The following TLL1 variants were observed in gnomAD, a reference collection of about 807,000 sequenced individuals.
TLL1 encodes tolloid like 1, also known as tolloid-like protein 1.
TLL1 carries 49 observed loss-of-function variants against 128.2 expected under a neutral mutation model. The ratio of observed to expected loss-of-function variants is 0.38; its 90% CI spans 0.30 to 0.48. The LOEUF (loss-of-function observed/expected upper bound fraction) is 0.48, where lower values mean the gene tolerates loss of function less well. Among genes scored for constraint, TLL1 ranks in the 20% least tolerant of loss-of-function variants. The pLI, the probability that TLL1 is intolerant of heterozygous loss-of-function variation, is 0.96. For synonymous variants in TLL1, 454 were observed against 418.8 expected, an observed-to-expected ratio of 1.08 and a Z score of -1.03; for missense variants, 1,123 against 1,242.0, an observed-to-expected ratio of 0.90 and a Z score of 1.44.
intron 6 of TLL1, among the ~76,000 whole-genome samples, chr4:166,007,505 T>C (rs999377354): frequency 2.6e-5 from 4 of 151,842 alleles, no homozygotes; most frequent in South Asian, 4.1e-4. Flanking sequence ...TCTTCTCCTA[T>C]TGTTTCATAG....
chr4:166,066,094 A>C (rs560674552), intron 16 of TLL1, among the ~76,000 whole-genome samples: 2 of 151,908 alleles, frequency 1.3e-5, no homozygotes, highest in Non-Finnish European at 2.9e-5. Context: ...ATTTTTCAAA[A>C]TAATTTTGCT....
intron 12 of TLL1, among the ~76,000 whole-genome samples, chr4:166,050,509 G>A (rs1298785582): frequency 1.3e-5 from 2 of 152,020 alleles, no homozygotes; most frequent in Non-Finnish European, 2.9e-5. Context: ...ATTTTTTAGG[G>A]AGCATGGGAT....
intron 14 of TLL1, among the ~76,000 whole-genome samples, chr4:166,059,765 C>A (rs1324075644): frequency 6.6e-6 from 1 of 151,772 alleles, no homozygotes; most frequent in Non-Finnish European, 1.5e-5. Context: ...TAAATTGCTC[C>A]CCCTACTTTA....
chr4:166,054,241 C>T (rs1454015642), intron 12 of TLL1, among the ~76,000 whole-genome samples: 1 of 151,992 alleles, frequency 6.6e-6, no homozygotes, highest in Non-Finnish European at 1.5e-5. Flanking sequence ...CTCTACACAG[C>T]CAGGTTAATT....
chr4:166,044,170 G>T (rs1314215746), intron 12 of TLL1, among the ~76,000 whole-genome samples: 1 of 152,176 alleles, frequency 6.6e-6, no homozygotes, highest in Non-Finnish European at 1.5e-5. Flanking sequence ...ATGAGATGCA[G>T]GTGGTAGGTC....
At position 166,103,843 on chromosome 4, in the gene TLL1, A is replaced by AAT. The variant is rs1553971347; in HGVS notation, c.*2968_*2969insTA. 2.6e-5 allele frequency: 4 copies of AAT among 151,172 alleles called. No individual in the cohort carries two copies. Among genetic ancestry groups the AAT allele is most frequent in the Admixed American group, 6.6e-5 (1 of 15,142 alleles). 9.4% of individuals were successfully genotyped at this position (151,172 alleles called of 1,614,324 possible). ...AAAGTCCTAACTGACTATACATAGA[A>AAT]AAAAAAAAAAACACTGTTCTCACTT... On this transcript the variant is annotated 3_prime_UTR_variant, in exon 21 of 21. Transcript: ENST00000061240.
intron 15 of TLL1, among the ~76,000 whole-genome samples, chr4:166,061,637 AG>A (rs1304806382): frequency 6.6e-6 from 1 of 152,062 alleles, no homozygotes; most frequent in African/African-American, 2.4e-5. Context: ...GGTAAAAAAG[AG>A]GTAGCTGACT....
intron 1 of TLL1, among the ~76,000 whole-genome samples, chr4:165,970,647 C>T (rs550001302): frequency 6.6e-6 from 1 of 152,168 alleles, no homozygotes; most frequent in Admixed American, 6.5e-5. Flanking sequence ...AAATTTCCCG[C>T]ATACTCTAAA....
chr4:165,988,490 G>A (rs183024421), intron 1 of TLL1, among the ~76,000 whole-genome samples: 15 of 152,064 alleles, frequency 9.9e-5, no homozygotes, highest in East Asian at 1.9e-4. Context: ...TTAGCCCAGC[G>A]CAGTGGAGTG....
At chr4:165,981,148 G>A (rs1328314378) in intron 1 of TLL1, among the ~76,000 whole-genome samples, 1 of 151,942 alleles carries the variant, frequency 6.6e-6, no homozygotes, top group Non-Finnish European at 1.5e-5. Context: ...TTCCTCTATA[G>A]AGTTTTTTTC....
intron 8 of TLL1, among the ~76,000 whole-genome samples, chr4:166,015,583 C>A (rs1344814158): frequency 6.6e-6 from 1 of 151,934 alleles, no homozygotes; most frequent in African/African-American, 2.4e-5. Flanking sequence ...AGAGGGCTAG[C>A]TAATTCATTC....
At chr4:165,924,378 A>G (rs190685422) in intron 1 of TLL1, among the ~76,000 whole-genome samples, 24 of 152,324 alleles carry the variant, frequency 1.6e-4, no homozygotes, top group African/African-American at 5.5e-4. Context: ...AAAACAGCTT[A>G]TTTCTGATAT....
chr4:166,047,429 G>T (rs1739511101), intron 12 of TLL1, among the ~76,000 whole-genome samples: 1 of 150,762 alleles, frequency 6.6e-6, no homozygotes. Flanking sequence ...CTCCCAAAGT[G>T]CTGGGATTAC....
intron 6 of TLL1, among the ~76,000 whole-genome samples, chr4:166,005,205 G>C (rs1016941245): frequency 7.9e-5 from 12 of 152,096 alleles, no homozygotes; most frequent in African/African-American, 2.9e-4. Flanking sequence ...TTTTGAGAAA[G>C]AGAAGGACAA....
At chr4:165,953,566 GAAAAAA>G (rs35500206) in intron 1 of TLL1, among the ~76,000 whole-genome samples, 1 of 134,546 alleles carries the variant, frequency 7.4e-6, no homozygotes, top group Admixed American at 7.2e-5. Context: ...TTTTCATTTA[GAAAAAA>G]AAAAAAAAAA....
intron 1 of TLL1, among the ~76,000 whole-genome samples, chr4:165,945,313 A>G (rs938458049): frequency 1.3e-5 from 2 of 151,976 alleles, no homozygotes; most frequent in Admixed American, 6.6e-5. Flanking sequence ...TCAAACATTT[A>G]TCTGAATGAT....
chr4:165,962,904 A>T (rs983509671), intron 1 of TLL1, among the ~76,000 whole-genome samples: 3 of 151,206 alleles, frequency 2.0e-5, no homozygotes, highest in Non-Finnish European at 4.4e-5. Flanking sequence ...AAAGTACAAA[A>T]ATTAGCTAGG....
At chr4:165,917,392 G>A (rs566096894) in intron 1 of TLL1, among the ~76,000 whole-genome samples, 2 of 152,146 alleles carry the variant, frequency 1.3e-5, no homozygotes, top group South Asian at 2.1e-4. Flanking sequence ...TGAGAACATG[G>A]GGAAGTTACT....
At chr4:165,997,172 G>A (rs115012382) in intron 5 of TLL1, among the ~76,000 whole-genome samples, 2 of 152,046 alleles carry the variant, frequency 1.3e-5, no homozygotes, top group South Asian at 2.1e-4. Flanking sequence ...CTATGATAAT[G>A]CTTCACTTAA....
Sources: allele counts gnomAD v4.1 joint callset (sites outside exome capture counted in the v4.1 genomes callset), GRCh38; gene constraint gnomAD v4.1.1; transcripts MANE v1.5; gene names NCBI Gene and HGNC (gene_info 2026-07-23, HGNC 2026-07-21).